EPHA6: variants seen among roughly 807,000 people sequenced by gnomAD.
EPHA6 encodes the protein EPH receptor A6.
Under a neutral mutation model 112.0 loss-of-function variants are expected in EPHA6, and 50 were observed. The ratio of observed to expected loss-of-function variants is 0.45; its 90% CI spans 0.36 to 0.56. EPHA6 has a LOEUF of 0.56. EPHA6 is among the 20% of genes least tolerant of loss of function. EPHA6 has a pLI of 0.00. For synonymous variants in EPHA6, 529 were observed against 490.7 expected, an observed-to-expected ratio of 1.08 and a Z score of -1.03; for missense variants, 1,280 against 1,417.4, an observed-to-expected ratio of 0.90 and a Z score of 1.56.
At chr3:97,537,016 T>G (rs1317380591) in intron 11 of EPHA6, among the ~76,000 whole-genome samples, 3 of 152,132 alleles carry the variant, frequency 2.0e-5, no homozygotes, top group Non-Finnish European at 2.9e-5. Context: ...CCACTCCACC[T>G]CCAACTTTAT....
At chr3:97,326,246 A>G (rs2082414564) in intron 5 of EPHA6, among the ~76,000 whole-genome samples, 1 of 152,020 alleles carries the variant, frequency 6.6e-6, no homozygotes, top group Admixed American at 6.6e-5. Context: ...CCTTAATAAT[A>G]TCAGTGTCCA....
intron 6 of EPHA6, among the ~76,000 whole-genome samples, chr3:97,431,713 T>C (rs1183866764): frequency 3.9e-5 from 6 of 152,140 alleles, no homozygotes; most frequent in Admixed American, 3.9e-4. Flanking sequence ...ACAGCATTTT[T>C]CTTTCTCATG....
chr3:97,641,531 G>A (rs927078550), intron 14 of EPHA6, among the ~76,000 whole-genome samples: 28 of 152,208 alleles, frequency 1.8e-4, no homozygotes, highest in South Asian at 8.3e-4. Flanking sequence ...CTGAGGTACC[G>A]GGTTCATCTC....
At chr3:97,735,884 G>T (rs898530758) in intron 15 of EPHA6, 41 bp from the exon 16 acceptor site, 2 of 1,431,442 alleles carry the variant, frequency 1.4e-6, no homozygotes, top group South Asian at 1.6e-5. Context: ...ATGTATTACT[G>T]CCTAAAAATA....
intron 3 of EPHA6, among the ~76,000 whole-genome samples, chr3:97,014,720 A>C (rs987118449): frequency 2.0e-5 from 3 of 152,188 alleles, no homozygotes; most frequent in African/African-American, 7.2e-5. Flanking sequence ...TTGCACGTGG[A>C]ATGTTTCTTT....
chr3:96,830,205 A>G (rs1576079776), intron 1 of EPHA6, among the ~76,000 whole-genome samples: 1 of 152,114 alleles, frequency 6.6e-6, no homozygotes, highest in Non-Finnish European at 1.5e-5. Context: ...AGGAATATCA[A>G]TTCTAATTTA....
At position 97,123,700 on chromosome 3, in the gene EPHA6, G is replaced by A. The variant is rs138659809; in HGVS notation, c.1115-102564G>A. On this transcript the variant is annotated intron_variant, in intron 3 of 17. Transcript: ENST00000389672. The stretch of plus-strand genomic sequence containing the variant: ...ACCGTTGTGGATTAGAGAAACAATC[G>A]TACTGAAATCAGTTTGTTTCACTTC... Among the ~76,000 whole-genome samples, 72 of 152,216 alleles carry A rather than the reference G, an allele frequency of 4.7e-4. 1 individual carries two copies. In the East Asian group the frequency reaches 8.1e-3, roughly 17 times the overall value.
chr3:97,738,309 G>A (rs569433980), intron 16 of EPHA6, among the ~76,000 whole-genome samples: 6 of 152,114 alleles, frequency 3.9e-5, no homozygotes, highest in South Asian at 4.1e-4. Context: ...TGCATTAATG[G>A]AAGAGGATAC....
intron 1 of EPHA6, among the ~76,000 whole-genome samples, chr3:96,842,759 A>G (rs1390234095): frequency 6.6e-6 from 1 of 152,108 alleles, no homozygotes; most frequent in Non-Finnish European, 1.5e-5. Context: ...CCATATAAGC[A>G]GAGAAAATTC....
Position 97,405,290 on chromosome 3 carries a change from A to C in EPHA6, c.1731+16A>C. The C allele has an allele frequency of 6.2e-7, 1 of 1,606,060 alleles. No homozygotes were observed. Among genetic ancestry groups the C allele is most frequent in the Non-Finnish European group, 8.5e-7 (1 of 1,174,812 alleles). On this transcript the variant is annotated intron_variant, in intron 6 of 17. Transcript: ENST00000389672. ...CTATGAGAAAGTAGGTCTTATTTGG[A>C]GCTTCCTATAAAACTACATATATAT...
At chr3:97,466,118 G>A (rs62262775) in intron 7 of EPHA6, 26,863 of 489,460 alleles carry the variant, frequency 0.055, 845 homozygotes, top group Non-Finnish European at 0.069. Context: ...TGGCACATGT[G>A]TTAGTCTTTC....
At chr3:97,742,642 T>C (rs2035553811) in intron 16 of EPHA6, among the ~76,000 whole-genome samples, 2 of 152,126 alleles carry the variant, frequency 1.3e-5, no homozygotes, top group South Asian at 2.1e-4. Context: ...GAAACAAATA[T>C]ATATTACCCA....
At chr3:96,978,197 A>G (rs925748003) in intron 2 of EPHA6, among the ~76,000 whole-genome samples, 1 of 152,082 alleles carries the variant, frequency 6.6e-6, no homozygotes, top group Admixed American at 6.6e-5. Flanking sequence ...GAGAAAATAT[A>G]TTGACTATTC....
chr3:97,252,641 G>A (rs2079175842), intron 5 of EPHA6, among the ~76,000 whole-genome samples: 1 of 152,160 alleles, frequency 6.6e-6, no homozygotes, highest in Admixed American at 6.5e-5. Context: ...AAGACTGCAT[G>A]GCTAAGAGTG....
intron 2 of EPHA6, among the ~76,000 whole-genome samples, chr3:96,889,885 A>G (rs2037852945): frequency 6.6e-6 from 1 of 152,216 alleles, no homozygotes; most frequent in Non-Finnish European, 1.5e-5. Context: ...ACCATTTATT[A>G]AGTGACCTGA....
chr3:97,709,833 T>G (rs2033873349), intron 14 of EPHA6, among the ~76,000 whole-genome samples: 1 of 152,162 alleles, frequency 6.6e-6, no homozygotes, highest in South Asian at 2.1e-4. Context: ...TCCCTCACTC[T>G]TACTCTCTTC....
At chr3:97,266,848 GTATA>G (rs1401931054) in intron 5 of EPHA6, among the ~76,000 whole-genome samples, 5 of 152,070 alleles carry the variant, frequency 3.3e-5, no homozygotes, top group African/African-American at 9.7e-5. Flanking sequence ...AGGTGGGCCT[GTATA>G]TAAGCATTTT....
In EPHA6 at chr3:97,247,204, GT is replaced by G. The variant is rs1441363755; in HGVS notation, c.1606+2918del. On this transcript the variant is annotated intron_variant, in intron 5 of 17. Transcript: ENST00000389672. ...ATTTCACTGGACTGAGAGGACAAGA[GT>G]AAAGTGGTTTACCTTCTCTGTAGGT... Among the ~76,000 whole-genome samples the G allele has an allele frequency of 2.0e-5, 3 of 152,102 alleles. No individual in the cohort carries two copies. In the East Asian group the frequency reaches 5.8e-4, roughly 29 times the overall value.
intron 2 of EPHA6, among the ~76,000 whole-genome samples, chr3:96,968,880 ATAG>A (rs1311888660): frequency 6.6e-6 from 1 of 151,922 alleles, no homozygotes; most frequent in Admixed American, 6.6e-5. Flanking sequence ...GTTGTTTGAA[ATAG>A]TAGGGTAAGT....
Sources: gnomAD v4.1 joint callset for allele counts (sites outside exome capture counted in the v4.1 genomes callset) on GRCh38, gnomAD v4.1.1 for gene constraint, MANE v1.5 for transcripts, NCBI Gene and HGNC (gene_info 2026-07-23, HGNC 2026-07-21) for gene names.